Variants in MAP2 observed in about 807,000 individuals in gnomAD.
MAP2 encodes the protein microtubule-associated protein 2.
In MAP2, 14 loss-of-function variants were observed where a neutral mutation model predicts 137.6. That is an observed-to-expected ratio of 0.10 (90% CI 0.07 to 0.16). The LOEUF is 0.16. MAP2 is among the 10% of genes least tolerant of loss of function. The pLI, the probability that MAP2 is intolerant of heterozygous loss-of-function variation, is 1.00. For missense variants in MAP2, 2,088 were observed against 2,191.5 expected (o/e 0.95, Z 0.94); for synonymous variants, 786 against 782.3 (o/e 1.00, Z -0.08).
At chr2:209,710,412 C>T in intron 13 of MAP2, 158 bp downstream of exon 13, 1 of 648,874 alleles carries the variant, frequency 1.5e-6, no homozygotes, top group East Asian at 2.8e-5. Flanking sequence ...GGAAGATAGC[C>T]TCTGAAATAC....
chr2:209,631,537 G>A (rs889505088), intron 4 of MAP2, among the ~76,000 whole-genome samples: 10 of 151,766 alleles, frequency 6.6e-5, no homozygotes, highest in African/African-American at 9.7e-5. Context: ...ATGTTTGGCC[G>A]GTTCCCCTTT....
At chr2:209,698,244 A>G (rs1442279198) in intron 10 of MAP2, among the ~76,000 whole-genome samples, 1 of 152,208 alleles carries the variant, frequency 6.6e-6, no homozygotes, top group Non-Finnish European at 1.5e-5. Flanking sequence ...AACCATCATA[A>G]AAACCCCTAC....
intron 2 of MAP2, among the ~76,000 whole-genome samples, chr2:209,553,765 T>C (rs1349380765): frequency 6.6e-6 from 1 of 152,214 alleles, no homozygotes; most frequent in East Asian, 1.9e-4. Context: ...AATGTTATCA[T>C]TGCCTAAATA....
intron 1 of MAP2, among the ~76,000 whole-genome samples, chr2:209,435,990 T>TTAGATATAA (rs1695996431): frequency 1.1e-5 from 1 of 87,978 alleles, no homozygotes; most frequent in Non-Finnish European, 2.0e-5. Flanking sequence ...ACAGTATATA[T>TTAGATATAA]TATATACTAT....
chr2:209,660,991 G>A (rs1316685085), intron 5 of MAP2, among the ~76,000 whole-genome samples: 2 of 149,910 alleles, frequency 1.3e-5, no homozygotes, highest in East Asian at 4.0e-4. Context: ...TGATCCGCCC[G>A]CCTCGGCATC....
chr2:209,499,111 A>G (rs2198477), intron 1 of MAP2, among the ~76,000 whole-genome samples: 1 of 152,022 alleles, frequency 6.6e-6, no homozygotes, highest in Non-Finnish European at 1.5e-5. Flanking sequence ...TTAATCTTTT[A>G]TTTGCTCCTG....
chr2:209,668,851 T>C (rs948799111), intron 5 of MAP2, among the ~76,000 whole-genome samples: 12 of 152,208 alleles, frequency 7.9e-5, no homozygotes, highest in African/African-American at 2.4e-4. Context: ...CTTTACTTTC[T>C]TTTGCTTTTT....
Position 209,733,846 on chromosome 2 carries a change from T to G in MAP2, c.*3449T>G, listed in dbSNP as rs1212872878. ...ATTTTCAAACTCAGAAAATAAAATG[T>G]CAATCATAAAAATCTACTTCAACTT... On this transcript the variant is annotated 3_prime_UTR_variant, in exon 16 of 16. Transcript: ENST00000682079. 6.6e-6 allele frequency: 1 copy of G among 152,430 alleles called. No homozygotes were observed. The highest frequency in any genetic ancestry group is 2.4e-5 in the African/African-American group (1 of 41,356). The allele number at this position is 152,430 out of a possible 1,614,324, so 9.4% of individuals were successfully genotyped here.
At chr2:209,573,666 C>T (rs1559336608) in intron 2 of MAP2, among the ~76,000 whole-genome samples, 1 of 152,118 alleles carries the variant, frequency 6.6e-6, no homozygotes, top group Non-Finnish European at 1.5e-5. Flanking sequence ...GTATACAATT[C>T]AGCAATTCAG....
Position 209,661,098 on chromosome 2 carries a change from C to G in MAP2, c.262+7666C>G, listed in dbSNP as rs115662266. Among the ~76,000 whole-genome samples, 1,177 of 152,164 alleles carry G rather than the reference C, an allele frequency of 7.7e-3. 17 individuals carry two copies. Among genetic ancestry groups the G allele is most frequent in the African/African-American group, 0.026 (1,095 of 41,512 alleles). ...CATGAAGGAAAAGTTTGGCAGCTCTCACATGCAAAAAGCTGCATATGCCTT... is the reference window on the plus strand; with the variant it reads ...CATGAAGGAAAAGTTTGGCAGCTCTGACATGCAAAAAGCTGCATATGCCTT... On this transcript the variant is annotated intron_variant, in intron 5 of 15. Transcript: ENST00000682079.
intron 3 of MAP2, among the ~76,000 whole-genome samples, chr2:209,615,421 T>G (rs1312308728): frequency 1.3e-5 from 2 of 152,172 alleles, no homozygotes; most frequent in Non-Finnish European, 2.9e-5. Flanking sequence ...AACCACAGAT[T>G]AAAATAACCA....
intron 1 of MAP2, among the ~76,000 whole-genome samples, chr2:209,431,182 C>T (rs1694172576): frequency 6.6e-6 from 1 of 151,956 alleles, no homozygotes; most frequent in Admixed American, 6.6e-5. Context: ...CAAATGGTAT[C>T]ATGAGGGTAT....
chr2:209,481,758 T>C (rs1052332178), intron 1 of MAP2, among the ~76,000 whole-genome samples: 1 of 152,208 alleles, frequency 6.6e-6, no homozygotes, highest in African/African-American at 2.4e-5. Context: ...TAAAGGGAAT[T>C]ATGATAGTAG....
chr2:209,651,868 C>T (rs534474754), intron 4 of MAP2, among the ~76,000 whole-genome samples: 6 of 152,268 alleles, frequency 3.9e-5, no homozygotes, highest in African/African-American at 1.4e-4. Context: ...CAGACAAATG[C>T]TTGTTAGTAA....
chr2:209,557,490 G>C (rs1252471051), intron 2 of MAP2, among the ~76,000 whole-genome samples: 1 of 152,162 alleles, frequency 6.6e-6, no homozygotes, highest in Non-Finnish European at 1.5e-5. Flanking sequence ...TCACACCAGA[G>C]TGAATCGTGT....
rs762921128 is a variant in MAP2 at position 209,695,831 on chromosome 2, T to C, written c.3661T>C (p.Leu1221=). Reference sequence around the variant, plus strand: ...CACGCCTTCTGATGTTGCAGAGCCATTGCATGAAACGATCGTATCTGAACC... The same window carrying C: ...CACGCCTTCTGATGTTGCAGAGCCACTGCATGAAACGATCGTATCTGAACC... ...SITPSDVAEP[L]HETIVSEPAE... The change falls in exon 8 of 16, where the codon TTG becomes CTG. Residue 1221 remains leucine (L), a synonymous_variant. Transcript: ENST00000682079. 1 of 1,614,014 alleles carries C rather than the reference T, an allele frequency of 6.2e-7. No homozygotes were observed. Among genetic ancestry groups the C allele is most frequent in the Non-Finnish European group, 8.5e-7 (1 of 1,179,986 alleles).
At chr2:209,541,368 GT>G in intron 2 of MAP2, among the ~76,000 whole-genome samples, 1 of 151,346 alleles carries the variant, frequency 6.6e-6, no homozygotes, top group South Asian at 2.1e-4. Flanking sequence ...TCATAGTCTT[GT>G]TGATGAAGGG....
At chr2:209,634,315 T>C (rs572010536) in intron 4 of MAP2, among the ~76,000 whole-genome samples, 1 of 152,314 alleles carries the variant, frequency 6.6e-6, no homozygotes, top group South Asian at 2.1e-4. Flanking sequence ...ATTAGCTTAT[T>C]GCTATAACAA....
At chr2:209,581,054 A>G (rs1316137133) in intron 3 of MAP2, among the ~76,000 whole-genome samples, 3 of 152,194 alleles carry the variant, frequency 2.0e-5, no homozygotes. Flanking sequence ...TTTGAAAAAT[A>G]TACCTGAAAA....
Sources: gnomAD v4.1 joint callset for allele counts (sites outside exome capture counted in the v4.1 genomes callset) on GRCh38, gnomAD v4.1.1 for gene constraint, MANE v1.5 for transcripts, NCBI Gene and HGNC (gene_info 2026-07-23, HGNC 2026-07-21) for gene names.